CNTN5: variants seen among roughly 807,000 people sequenced by gnomAD.
The protein encoded by CNTN5 is contactin 5.
Under a neutral mutation model 129.1 loss-of-function variants are expected in CNTN5, and 77 were observed. The ratio of observed to expected loss-of-function variants is 0.60; its 90% CI spans 0.50 to 0.72. CNTN5 has a LOEUF of 0.72. CNTN5 is among the 30% of genes least tolerant of loss of function. CNTN5 has a pLI of 0.00. For missense variants in CNTN5, 1,478 were observed against 1,328.8 expected (o/e 1.11, Z -1.75); for synonymous variants, 509 against 465.6 (o/e 1.09, Z -1.20).
intron 2 of CNTN5, among the ~76,000 whole-genome samples, chr11:99,494,731 C>T (rs565956181): frequency 9.9e-5 from 15 of 152,266 alleles, no homozygotes; most frequent in Admixed American, 8.5e-4. Context: ...ACCAAGCTGA[C>T]GGGCATGCCC....
intron 2 of CNTN5, among the ~76,000 whole-genome samples, chr11:99,350,400 G>T (rs865978126): frequency 6.6e-6 from 1 of 152,118 alleles, no homozygotes; most frequent in East Asian, 1.9e-4. Flanking sequence ...AACTTTGTGC[G>T]TTTACTTATA....
chr11:100,033,295 A>C (rs1404470516), intron 9 of CNTN5, among the ~76,000 whole-genome samples: 8 of 152,210 alleles, frequency 5.3e-5, no homozygotes. Context: ...GCAGGAAATA[A>C]AACAGAGTAA....
At position 100,061,308 on chromosome 11, in the gene CNTN5, A is replaced by G; in HGVS notation, c.1077A>G (p.Val359=). ...AGGCGGTGCTGGAAATACCGAATGT[A>G]CAGCTGGATGATGCAGGCATTTATG... ...KSQAVLEIPN[V]QLDDAGIYEC... Residue 359 remains valine (V), a synonymous_variant, in exon 10 of 25, where the codon GTA becomes GTG. Coordinates refer to ENST00000524871, the MANE Select transcript of CNTN5 (RefSeq NM_014361.4). 2 of 1,613,630 alleles carry G rather than the reference A, an allele frequency of 1.2e-6. No homozygotes were observed. Among genetic ancestry groups the G allele is most frequent in the Non-Finnish European group, 1.7e-6 (2 of 1,179,578 alleles).
chr11:99,562,814 G>A (rs1055119327), intron 3 of CNTN5, among the ~76,000 whole-genome samples: 1 of 152,160 alleles, frequency 6.6e-6, no homozygotes, highest in Non-Finnish European at 1.5e-5. Flanking sequence ...AATGGGAAGT[G>A]CAGATTTAAA....
At chr11:99,694,722 A>C (rs1478405388) in intron 3 of CNTN5, among the ~76,000 whole-genome samples, 1 of 151,742 alleles carries the variant, frequency 6.6e-6, no homozygotes, top group African/African-American at 2.4e-5. Context: ...CCCTGTGCCC[A>C]TATGTTCTCG....
At chr11:99,960,047 T>A (rs977550981) in intron 8 of CNTN5, among the ~76,000 whole-genome samples, 2 of 152,174 alleles carry the variant, frequency 1.3e-5, no homozygotes, top group African/African-American at 4.8e-5. Context: ...AGAGCCAAAC[T>A]TCTAACTTCC....
intron 3 of CNTN5, among the ~76,000 whole-genome samples, chr11:99,661,188 T>TG (rs1952580196): frequency 6.6e-6 from 1 of 152,086 alleles, no homozygotes; most frequent in African/African-American, 2.4e-5. Flanking sequence ...CACAAATGGT[T>TG]GGGATGATAC....
At chr11:99,264,942 C>G (rs1862818948) in intron 1 of CNTN5, among the ~76,000 whole-genome samples, 1 of 151,680 alleles carries the variant, frequency 6.6e-6, no homozygotes, top group African/African-American at 2.4e-5. Flanking sequence ...TTTTATAATT[C>G]TTTGAATGTA....
intron 2 of CNTN5, among the ~76,000 whole-genome samples, chr11:99,463,773 A>G (rs1944826602): frequency 1.0e-4 from 1 of 9,860 alleles, no homozygotes; most frequent in South Asian, 2.7e-3. Flanking sequence ...TGATACTACA[A>G]ATTAATTAAA....
intron 1 of CNTN5, among the ~76,000 whole-genome samples, chr11:99,275,260 C>T (rs754102484): frequency 2.7e-5 from 4 of 150,748 alleles, no homozygotes; most frequent in Non-Finnish European, 3.0e-5. Flanking sequence ...CCTTTTTGTC[C>T]TTGTCTCCTT....
At chr11:99,485,595 C>T (rs1420124657) in intron 2 of CNTN5, among the ~76,000 whole-genome samples, 2 of 151,566 alleles carry the variant, frequency 1.3e-5, no homozygotes, top group African/African-American at 4.8e-5. Context: ...TAAAAATGCT[C>T]TAAAGTTTAT....
intron 3 of CNTN5, among the ~76,000 whole-genome samples, chr11:99,733,221 G>T (rs1943591575): frequency 2.6e-5 from 4 of 151,604 alleles, no homozygotes; most frequent in Admixed American, 1.3e-4. Flanking sequence ...TACTTGGGAG[G>T]CTGAGGCAGA....
intron 13 of CNTN5, among the ~76,000 whole-genome samples, chr11:100,101,213 G>A (rs1335697168): frequency 6.6e-6 from 1 of 152,076 alleles, no homozygotes; most frequent in Admixed American, 6.6e-5. Flanking sequence ...AACTTGGCAT[G>A]TTGGTATATA....
At chr11:99,722,670 A>C (rs1045763419) in intron 3 of CNTN5, among the ~76,000 whole-genome samples, 3 of 152,078 alleles carry the variant, frequency 2.0e-5, no homozygotes, top group African/African-American at 7.2e-5. Flanking sequence ...AGTCAACCCT[A>C]ATCTTCTAAA....
intron 2 of CNTN5, among the ~76,000 whole-genome samples, chr11:99,461,886 CA>C (rs1236302228): frequency 6.6e-6 from 1 of 152,092 alleles, no homozygotes; most frequent in Non-Finnish European, 1.5e-5. Flanking sequence ...TTATCATGAT[CA>C]TAAAGTAAAT....
intron 2 of CNTN5, among the ~76,000 whole-genome samples, chr11:99,443,411 A>AT (rs1943921983): frequency 6.6e-6 from 1 of 152,134 alleles, no homozygotes; most frequent in Admixed American, 6.5e-5. Context: ...TTAAATATTG[A>AT]TTTTTCAGAA....
chr11:100,170,216 TAGATTATTCAGACAG>T (rs1203482390), intron 13 of CNTN5, among the ~76,000 whole-genome samples: 1 of 152,000 alleles, frequency 6.6e-6, no homozygotes, highest in Non-Finnish European at 1.5e-5. Flanking sequence ...ATTTTGCAAA[TAGATTATTCAGACAG>T]ATTAAATGGC....
At chr11:100,189,329 G>A (rs1001774107) in intron 13 of CNTN5, among the ~76,000 whole-genome samples, 2 of 149,778 alleles carry the variant, frequency 1.3e-5, no homozygotes, top group Non-Finnish European at 3.0e-5. Flanking sequence ...ATCAGGGGCC[G>A]AAAGTACAGG....
chr11:99,885,184 A>G (rs1351517713), intron 6 of CNTN5, among the ~76,000 whole-genome samples: 2 of 152,136 alleles, frequency 1.3e-5, no homozygotes, highest in African/African-American at 4.8e-5. Flanking sequence ...GGGGGCGCTC[A>G]GGTGGGAGAG....
Sources: gnomAD v4.1 joint callset for allele counts (sites outside exome capture counted in the v4.1 genomes callset) on GRCh38, gnomAD v4.1.1 for gene constraint, MANE v1.5 for transcripts, NCBI Gene and HGNC (gene_info 2026-07-23, HGNC 2026-07-21) for gene names.